The following PALD1 variants were observed in gnomAD, a reference collection of about 807,000 sequenced individuals.
PALD1 encodes phosphatase domain containing paladin 1.
PALD1 carries 57 observed loss-of-function variants against 96.0 expected under a neutral mutation model. The observed-to-expected ratio is 0.59, with a 90% CI of 0.48 to 0.74. PALD1 has a LOEUF of 0.74. Ranked by LOEUF, PALD1 falls within the 30% of genes least tolerant of loss-of-function variation. PALD1 has a pLI of 0.00. For synonymous variants in PALD1, 464 were observed against 473.6 expected, an observed-to-expected ratio of 0.98 and a Z score of 0.26; for missense variants, 1,063 against 1,143.7, an observed-to-expected ratio of 0.93 and a Z score of 1.02.
rs773193194 is a variant in PALD1 at position 70,525,989 on chromosome 10, C to T, written c.38C>T (p.Ser13Leu). 1.8e-5 allele frequency: 29 copies of T among 1,614,088 alleles called. No individual in the cohort carries two copies. Among genetic ancestry groups the T allele is most frequent in the Admixed American group, 1.0e-4 (6 of 60,008 alleles). The part of the protein sequence containing the change: ...TTASTAQQTV[S>L]AGTPFEGLQG... Reference sequence around the variant, plus strand: ...GCCAGCACAGCCCAGCAGACGGTCTCGGCAGGCACCCCATTTGAGGGCCTA... The same window carrying T: ...GCCAGCACAGCCCAGCAGACGGTCTTGGCAGGCACCCCATTTGAGGGCCTA... Residue 13 changes from serine (S) to leucine (L), a missense_variant, in exon 2 of 20, where the codon TCG becomes TTG. Coordinates refer to ENST00000263563, the MANE Select transcript of PALD1 (RefSeq NM_014431.3).
intron 17 of PALD1, among the ~76,000 whole-genome samples, chr10:70,544,334 G>T (rs1262314289): frequency 6.6e-6 from 1 of 152,166 alleles, no homozygotes; most frequent in Non-Finnish European, 1.5e-5. Flanking sequence ...AAGCAGGCAG[G>T]ACTGAGGGGT....
upstream of PALD1, among the ~76,000 whole-genome samples, chr10:70,476,463 C>A (rs1372715210): frequency 6.6e-6 from 1 of 152,212 alleles, no homozygotes; most frequent in African/African-American, 2.4e-5. Flanking sequence ...ACAGCCAGGG[C>A]TGCAGGACTC....
At chr10:70,553,467 G>A (rs1847524004) in intron 18 of PALD1, among the ~76,000 whole-genome samples, 1 of 152,186 alleles carries the variant, frequency 6.6e-6, no homozygotes, top group South Asian at 2.1e-4. Context: ...GAGGGACAGG[G>A]AGTCACTAGA....
chr10:70,546,362 G>T (rs1847362301), intron 17 of PALD1, among the ~76,000 whole-genome samples: 1 of 152,232 alleles, frequency 6.6e-6, no homozygotes, highest in South Asian at 2.1e-4. Flanking sequence ...TGGAGTCACA[G>T]TCGTGCATTT....
At chr10:70,461,222 C>T in the PALD1 span, among the ~76,000 whole-genome samples, 1 of 152,198 alleles carries the variant, frequency 6.6e-6, no homozygotes, top group Non-Finnish European at 1.5e-5. Context: ...GCTGGAATGC[C>T]CTTTCTCCCA....
intron 8 of PALD1, 50 bp from the exon 9 acceptor site, chr10:70,534,375 G>A (rs368564128): frequency 8.7e-5 from 114 of 1,304,064 alleles, no homozygotes; most frequent in Non-Finnish European, 1.1e-4. Context: ...GCGGGTGGCC[G>A]TGTGAGACCT....
chr10:70,533,913 C>T lies in PALD1; in HGVS notation c.871-9C>T, dbSNP rs765714247. 9 of 1,578,588 alleles carry T rather than the reference C, an allele frequency of 5.7e-6. No individual in the cohort carries two copies. The highest frequency in any genetic ancestry group is 7.8e-6 in the Non-Finnish European group (9 of 1,160,820). ...CTCACTGGGGCCTGATCCTCATGGT[C>T]TTTCCCAGGAGACCCCCAGCCTGCT... On this transcript the variant is annotated splice_polypyrimidine_tract_variant and intron_variant, in intron 7 of 19. Coordinates refer to ENST00000263563, the MANE Select transcript of PALD1 (RefSeq NM_014431.3).
chr10:70,482,525 C>T (rs566436033), intron 1 of PALD1, among the ~76,000 whole-genome samples: 1 of 152,276 alleles, frequency 6.6e-6, no homozygotes, highest in Admixed American at 6.5e-5. Flanking sequence ...AGGCCTTTGG[C>T]TGGGACCCGG....
intron 18 of PALD1, among the ~76,000 whole-genome samples, chr10:70,547,965 GT>G (rs1230315282): frequency 6.6e-6 from 1 of 152,080 alleles, no homozygotes; most frequent in African/African-American, 2.4e-5. Flanking sequence ...CAGATGGGGT[GT>G]TTTTTATCTG....
rs887862321 is a variant in PALD1, at chr10:70,561,738, C to T, written c.2263-2626C>T. 4.6e-5 allele frequency among the ~76,000 whole-genome samples: 7 copies of T among 152,108 alleles called. No homozygotes were observed. The East Asian group carries it at 5.8e-4, about 13-fold the overall frequency. On this transcript the variant is annotated intron_variant, in intron 18 of 19. Coordinates refer to ENST00000263563, the MANE Select transcript of PALD1 (RefSeq NM_014431.3). ...CCTCTCACCTTTACCCCTCCCCTAC[C>T]GCCATGAGCTCCTCCCACTCTGCCC...
rs1458746423 is a variant in PALD1 at position 70,534,086 on chromosome 10, G to C, written c.1022+13G>C. 5 of 1,582,974 alleles carry C rather than the reference G, an allele frequency of 3.2e-6. No homozygotes were observed. The highest frequency in any genetic ancestry group is 2.0e-4 in the Middle Eastern group (1 of 5,102). On this transcript the variant is annotated intron_variant, in intron 8 of 19. Coordinates refer to ENST00000263563, the MANE Select transcript of PALD1 (RefSeq NM_014431.3). The stretch of plus-strand genomic sequence containing the variant: ...CCTCCCAGCCAGAGTGAGTGGCCCG[G>C]GGCCCAGCGTCCTGAAGGGCTGTGG...
intron 1 of PALD1, among the ~76,000 whole-genome samples, chr10:70,500,581 C>G (rs1421765202): frequency 6.6e-6 from 1 of 152,182 alleles, no homozygotes; most frequent in East Asian, 1.9e-4. Context: ...TCCTTTAAGT[C>G]CCAGCTCTGT....
Position 70,564,369 on chromosome 10 carries a change from G to A in PALD1, c.2268G>A (p.Lys756=), listed in dbSNP as rs1156803184. 2 of 1,613,044 alleles carry A rather than the reference G, an allele frequency of 1.2e-6. No individual in the cohort carries two copies. The highest frequency in any genetic ancestry group is 1.7e-6 in the Non-Finnish European group (2 of 1,179,486). The change falls in exon 19 of 20, where the codon AAG becomes AAA. Residue 756 remains lysine, a synonymous_variant. Transcript: ENST00000263563. ...CACCCTGTCCTGTCCTCCAGGCGAA[G>A]GCAGCGAAAGAGGCGCAAGAAATGC... ...EIIICTYRQA[K]AAKEAQEMRR... is the part of the protein sequence containing the mutation.
chr10:70,503,830 G>C lies in PALD1; in HGVS notation c.-29-22093G>C, dbSNP rs115150796. Among the ~76,000 whole-genome samples, 384 of 152,180 alleles carry C rather than the reference G, an allele frequency of 2.5e-3. 1 individual carries two copies. The highest frequency in any genetic ancestry group is 7.9e-3 in the African/African-American group (327 of 41,518). ...AATTTTGTGTAGAAAGTTCTTTTCT[G>C]TCCCAAGATTATACAAATATTTACT... is the stretch of plus-strand genomic sequence containing the variant. On this transcript the variant is annotated intron_variant, in intron 1 of 19. Transcript: ENST00000263563.
chr10:70,526,021 A>C lies in PALD1; in HGVS notation c.70A>C (p.Ser24Arg), dbSNP rs148176261. ...CACCCCATTTGAGGGCCTACAGGGCAGTGGCACGATGGACAGTCGGCACTC... is the reference window on the plus strand; with the variant it reads ...CACCCCATTTGAGGGCCTACAGGGCCGTGGCACGATGGACAGTCGGCACTC... ...AGTPFEGLQG[S>R]GTMDSRHSVS... The change falls in exon 2 of 20, where the codon AGT (serine) becomes CGT (arginine). Residue 24 changes from serine (S) to arginine (R), a missense_variant. Ser to Arg is a moderately radical substitution (Grantham distance 110). Transcript: ENST00000263563. 6 of 1,614,096 alleles carry C rather than the reference A, an allele frequency of 3.7e-6. No individual in the cohort carries two copies. Among genetic ancestry groups the C allele is most frequent in the Non-Finnish European group, 5.1e-6 (6 of 1,180,042 alleles).
intron 17 of PALD1, 110 bp from the exon 18 acceptor site, chr10:70,547,196 C>T (rs1051257241): frequency 7.4e-6 from 7 of 941,790 alleles, no homozygotes; most frequent in African/African-American, 1.6e-5. Flanking sequence ...CTCTGTTCAG[C>T]GCCTGGGCCT....
intron 7 of PALD1, 102 bp from the exon 8 acceptor site, chr10:70,533,820 C>T: frequency 8.9e-7 from 1 of 1,123,404 alleles, no homozygotes; most frequent in South Asian, 1.8e-5. Context: ...TTGCTGCAGA[C>T]TGTGGGGCAG....
chr10:70,483,132 C>A (rs1845961910), intron 1 of PALD1, among the ~76,000 whole-genome samples: 1 of 152,016 alleles, frequency 6.6e-6, no homozygotes, highest in Non-Finnish European at 1.5e-5. Flanking sequence ...ATGGTTGGAG[C>A]CTGAGGGAGG....
intron 7 of PALD1, among the ~76,000 whole-genome samples, 191 bp from the exon 8 acceptor site, chr10:70,533,731 A>C (rs1847046797): frequency 1.3e-5 from 2 of 152,210 alleles, no homozygotes; most frequent in African/African-American, 4.8e-5. Context: ...AGCTCCTCCA[A>C]GGCCTGGGGA....
Sources: allele counts gnomAD v4.1 joint callset (sites outside exome capture counted in the v4.1 genomes callset), GRCh38; gene constraint gnomAD v4.1.1; transcripts MANE v1.5; gene names NCBI Gene and HGNC (gene_info 2026-07-23, HGNC 2026-07-21).